The following UMAD1 variants were observed in gnomAD, a reference collection of about 807,000 sequenced individuals.
UMAD1 encodes UBAP1-MVB12-associated (UMA) domain containing 1, also known as UBAP1-MVB12-associated (UMA)-domain containing protein 1.
A neutral mutation model predicts 6.1 loss-of-function variants in UMAD1; 8 were observed. The observed-to-expected ratio is 1.30, with a 90% CI of 0.76 to 2.35. UMAD1 has a LOEUF of 2.35. Ranked by LOEUF, UMAD1 falls within the 30% of genes most tolerant of loss-of-function variation. The pLI, the probability that UMAD1 is intolerant of heterozygous loss-of-function variation, is 0.00. For missense variants in UMAD1, 130 were observed against 78.4 expected (o/e 1.66, Z -2.49); for synonymous variants, 56 against 31.4 (o/e 1.78, Z -2.61).
At chr7:7,651,989 T>C (rs533592013) in intron 1 of UMAD1, among the ~76,000 whole-genome samples, 1 of 152,254 alleles carries the variant, frequency 6.6e-6, no homozygotes, top group African/African-American at 2.4e-5. Flanking sequence ...AGCTGTGACT[T>C]CTGAATGGAA....
intron 3 of UMAD1, among the ~76,000 whole-genome samples, chr7:7,849,248 C>A (rs1333669723): frequency 6.6e-6 from 1 of 152,142 alleles, no homozygotes; most frequent in Admixed American, 6.6e-5. Context: ...CTTTTCATTG[C>A]GTGCTGCTCC....
rs28915988 is a variant in UMAD1, at chr7:7,672,411, C to G, written c.-63-898C>G. On this transcript the variant is annotated intron_variant, in intron 1 of 3. Transcript: ENST00000682710. ...GTGTATGAGGGATGGTCACAATAAT[C>G]TCACCAACGCAAGGATTTGCACTGA... 2.6e-4 allele frequency among the ~76,000 whole-genome samples: 40 copies of G among 152,246 alleles called. No individual in the cohort carries two copies. In the East Asian group the frequency reaches 7.1e-3, roughly 27 times the overall value.
intron 1 of UMAD1, among the ~76,000 whole-genome samples, chr7:7,669,343 A>G (rs1039529639): frequency 4.6e-5 from 7 of 152,156 alleles, no homozygotes; most frequent in African/African-American, 7.2e-5. Context: ...TCCAGTTACT[A>G]GTCTTAGGCA....
intron 1 of UMAD1, among the ~76,000 whole-genome samples, chr7:7,665,217 T>TTGGA (rs755177288): frequency 5.9e-5 from 9 of 152,172 alleles, no homozygotes; most frequent in African/African-American, 9.7e-5. Flanking sequence ...AAGGGAAGCC[T>TTGGA]TGGAGTAATA....
intron 2 of UMAD1, chr7:7,740,902 A>G (rs1172405806): frequency 1.3e-5 from 2 of 152,200 alleles, no homozygotes; most frequent in Non-Finnish European, 2.9e-5. Flanking sequence ...GTCCAAACCT[A>G]TATAATGTTT....
At chr7:7,644,463 T>C (rs1194727710) in intron 1 of UMAD1, among the ~76,000 whole-genome samples, 1 of 152,162 alleles carries the variant, frequency 6.6e-6, no homozygotes, top group Non-Finnish European at 1.5e-5. Context: ...AATTCTTTGA[T>C]ACATCGTACT....
At chr7:7,787,255 A>G (rs1456918735) in intron 2 of UMAD1, among the ~76,000 whole-genome samples, 1 of 149,402 alleles carries the variant, frequency 6.7e-6, no homozygotes, top group Non-Finnish European at 1.5e-5. Flanking sequence ...TATAAACCAT[A>G]TATGATTTTC....
chr7:7,737,276 G>A (rs1265868744), intron 2 of UMAD1, among the ~76,000 whole-genome samples: 3 of 152,168 alleles, frequency 2.0e-5, no homozygotes, highest in Admixed American at 6.5e-5. Flanking sequence ...TTTCTCAGCC[G>A]TGAAACAAGG....
chr7:7,657,825 G>A (rs1444777845), intron 1 of UMAD1, among the ~76,000 whole-genome samples: 2 of 152,120 alleles, frequency 1.3e-5, no homozygotes, highest in Admixed American at 1.3e-4. Context: ...GAAATTTAAA[G>A]TAGTTTTTTC....
chr7:7,665,232 A>T (rs1392729117), intron 1 of UMAD1, among the ~76,000 whole-genome samples: 1 of 152,190 alleles, frequency 6.6e-6, no homozygotes, highest in Non-Finnish European at 1.5e-5. Context: ...GTAATAGGAA[A>T]AAAGAAATAT....
intron 3 of UMAD1, among the ~76,000 whole-genome samples, chr7:7,864,725 A>G (rs1784195261): frequency 6.6e-6 from 1 of 151,402 alleles, no homozygotes; most frequent in African/African-American, 2.4e-5. Context: ...TTATCTGAGG[A>G]CCCACTGTAC....
chr7:7,772,146 C>G (rs1166999573), intron 2 of UMAD1, among the ~76,000 whole-genome samples: 1 of 152,258 alleles, frequency 6.6e-6, no homozygotes, highest in East Asian at 1.9e-4. Flanking sequence ...AAACTTGTGT[C>G]AATCATTTTA....
At chr7:7,795,075 A>G (rs888052089) in intron 2 of UMAD1, among the ~76,000 whole-genome samples, 16 of 152,188 alleles carry the variant, frequency 1.1e-4, no homozygotes, top group African/African-American at 3.9e-4. Context: ...AGATATCCCA[A>G]CTTTTTAGGC....
chr7:7,708,800 TTAA>T (rs1356953605), intron 2 of UMAD1, among the ~76,000 whole-genome samples: 3 of 152,134 alleles, frequency 2.0e-5, no homozygotes, highest in African/African-American at 7.2e-5. Flanking sequence ...TTTTTGCCCA[TTAA>T]TATGTGGTTT....
chr7:7,652,935 T>C (rs906786776), intron 1 of UMAD1, among the ~76,000 whole-genome samples: 2 of 152,222 alleles, frequency 1.3e-5, no homozygotes, highest in African/African-American at 4.8e-5. Flanking sequence ...AGCGAGCAAA[T>C]AGAATATTTT....
At chr7:7,661,431 C>A (rs1340293500) in intron 1 of UMAD1, among the ~76,000 whole-genome samples, 1 of 152,052 alleles carries the variant, frequency 6.6e-6, no homozygotes, top group East Asian at 1.9e-4. Context: ...CTGGTTTGTC[C>A]CTATCTTTGT....
chr7:7,826,305 T>A lies in UMAD1; in HGVS notation c.156+24562T>A, dbSNP rs183745685. 7.7e-4 allele frequency among the ~76,000 whole-genome samples: 117 copies of A among 152,296 alleles called. 2 individuals carry two copies. The highest frequency in any genetic ancestry group is 2.7e-3 in the African/African-American group (114 of 41,570). On this transcript the variant is annotated intron_variant, in intron 3 of 3. Transcript: ENST00000682710. ...TACTAACAGTTTCCTCAACTTTTTC[T>A]CTTTCTGCATCACCACCTTTAATTT...
At chr7:7,673,712 T>C (rs200484555) in intron 2 of UMAD1, among the ~76,000 whole-genome samples, 4,858 of 145,566 alleles carry the variant, frequency 0.033, 117 homozygotes, top group South Asian at 0.1. Flanking sequence ...TTTCCCCCCC[T>C]TTTTTTTTTT....
At chr7:7,683,032 A>G (rs1398121253) in intron 2 of UMAD1, among the ~76,000 whole-genome samples, 1 of 152,202 alleles carries the variant, frequency 6.6e-6, no homozygotes, top group Admixed American at 6.5e-5. Context: ...TGTGGGGTAC[A>G]CCACCCTTCC....
Sources: allele counts gnomAD v4.1 joint callset (sites outside exome capture counted in the v4.1 genomes callset), GRCh38; gene constraint gnomAD v4.1.1; transcripts MANE v1.5; gene names NCBI Gene and HGNC (gene_info 2026-07-23, HGNC 2026-07-21).